Variants in MYRIP observed in about 807,000 individuals in gnomAD.
MYRIP encodes the protein rab effector MyRIP.
In MYRIP, 49 loss-of-function variants were observed where a neutral mutation model predicts 98.0. The observed-to-expected ratio is 0.50, with a 90% CI of 0.40 to 0.63. The LOEUF is 0.63. Among genes scored for constraint, MYRIP ranks in the 30% least tolerant of loss-of-function variants. The pLI, the probability that MYRIP is intolerant of heterozygous loss-of-function variation, is 0.00. For missense variants in MYRIP, 1,004 were observed against 1,058.2 expected (o/e 0.95, Z 0.71); for synonymous variants, 404 against 409.5 (o/e 0.99, Z 0.16).
At chr3:40,079,312 GC>G (rs1209056519) in intron 3 of MYRIP, among the ~76,000 whole-genome samples, 1 of 152,148 alleles carries the variant, frequency 6.6e-6, no homozygotes, top group African/African-American at 2.4e-5. Context: ...TAGTTAGGTG[GC>G]CCCTTTCACT....
intron 2 of MYRIP, among the ~76,000 whole-genome samples, chr3:39,957,117 CCATT>C (rs957325629): frequency 6.6e-6 from 1 of 151,718 alleles, no homozygotes; most frequent in Admixed American, 6.6e-5. Flanking sequence ...GAAGCTGGTA[CCATT>C]CCTTCTGAAA....
chr3:40,208,199 A>G (rs1008201103), intron 10 of MYRIP, among the ~76,000 whole-genome samples: 1 of 152,202 alleles, frequency 6.6e-6, no homozygotes, highest in Non-Finnish European at 1.5e-5. Flanking sequence ...TGTATCTTAG[A>G]TTTATAAAAA....
At position 39,856,676 on chromosome 3, in the gene MYRIP, C is replaced by T. The variant is rs200278348; in HGVS notation, c.-30-44111C>T. Among the ~76,000 whole-genome samples the T allele has an allele frequency of 1.5e-4, 23 of 152,304 alleles. No homozygotes were observed. In the East Asian group the frequency reaches 4.2e-3, roughly 28 times the overall value. ...TCAGATCATGGGCAGCAGCCCTGCC[C>T]TATTAGATACTTTGTCAGCAAGCCT... On this transcript the variant is annotated intron_variant, in intron 1 of 16. Coordinates refer to ENST00000302541, the MANE Select transcript of MYRIP (RefSeq NM_015460.4).
rs546885757 is a variant in MYRIP at position 40,139,167 on chromosome 3, G to A, written c.333-11881G>A. Among the ~76,000 whole-genome samples the A allele has an allele frequency of 2.0e-5, 3 of 152,132 alleles. No homozygotes were observed. The East Asian group carries it at 5.8e-4, about 29-fold the overall frequency. Reference sequence around the variant, plus strand: ...TGACAGAATTTCATTCTTTTTTATGGCTGACTGGTATTTCATGGTGTATAT... The same window carrying A: ...TGACAGAATTTCATTCTTTTTTATGACTGACTGGTATTTCATGGTGTATAT... On this transcript the variant is annotated intron_variant, in intron 3 of 16. Coordinates refer to ENST00000302541, the MANE Select transcript of MYRIP (RefSeq NM_015460.4).
intron 2 of MYRIP, among the ~76,000 whole-genome samples, chr3:39,952,941 A>G (rs749220418): frequency 4.3e-4 from 65 of 152,144 alleles, no homozygotes; most frequent in Non-Finnish European, 6.2e-4. Flanking sequence ...CACTACAGCT[A>G]TCTCATTGCC....
Position 40,106,113 on chromosome 3 carries a change from A to G in MYRIP, c.333-44935A>G, listed in dbSNP as rs1197841801. 5.9e-5 allele frequency among the ~76,000 whole-genome samples: 9 copies of G among 152,296 alleles called. No homozygotes were observed. The East Asian group carries it at 1.7e-3, about 29-fold the overall frequency. On this transcript the variant is annotated intron_variant, in intron 3 of 16. Transcript: ENST00000302541. ...TGGGGACACATATCCAAAGCATATCACATACCAGAGAGTTATAATATATAT... is the reference window on the plus strand; with the variant it reads ...TGGGGACACATATCCAAAGCATATCGCATACCAGAGAGTTATAATATATAT...
chr3:39,887,418 A>G (rs1191573712), intron 1 of MYRIP, among the ~76,000 whole-genome samples: 2 of 152,158 alleles, frequency 1.3e-5, no homozygotes, highest in Non-Finnish European at 2.9e-5. Context: ...TTTTGAAAGG[A>G]TCAACAAAAT....
intron 1 of MYRIP, among the ~76,000 whole-genome samples, chr3:39,812,548 C>T (rs1213591440): frequency 1.3e-5 from 2 of 152,100 alleles, no homozygotes; most frequent in Non-Finnish European, 2.9e-5. Flanking sequence ...AGAGCTTTTT[C>T]ATAGGGTGAA....
chr3:39,874,773 G>A (rs534352375), intron 1 of MYRIP, among the ~76,000 whole-genome samples: 2 of 152,162 alleles, frequency 1.3e-5, no homozygotes, highest in Non-Finnish European at 1.5e-5. Flanking sequence ...TTGCATCAAT[G>A]TTCATTAAGG....
At chr3:39,935,303 A>G (rs139483476) in intron 2 of MYRIP, among the ~76,000 whole-genome samples, 4 of 152,258 alleles carry the variant, frequency 2.6e-5, no homozygotes, top group African/African-American at 9.6e-5. Flanking sequence ...AAGGTATGGA[A>G]ACACTGGAGC....
chr3:39,884,795 A>C (rs559205647), intron 1 of MYRIP, among the ~76,000 whole-genome samples: 1 of 142,538 alleles, frequency 7.0e-6, no homozygotes, highest in Non-Finnish European at 1.5e-5. Flanking sequence ...TTGTATGGCT[A>C]TACAGTCATT....
chr3:40,063,921 A>G (rs1271570316), intron 3 of MYRIP, among the ~76,000 whole-genome samples: 1 of 152,162 alleles, frequency 6.6e-6, no homozygotes, highest in South Asian at 2.1e-4. Flanking sequence ...CTAGAGCAAC[A>G]ACATGACAAG....
At chr3:39,858,623 A>ATAGAT (rs1357050072) in intron 1 of MYRIP, among the ~76,000 whole-genome samples, 2 of 152,144 alleles carry the variant, frequency 1.3e-5, no homozygotes, top group Non-Finnish European at 2.9e-5. Context: ...ATTCTCCAGG[A>ATAGAT]TAGATTATAT....
At chr3:39,956,971 TA>T (rs1157448520) in intron 2 of MYRIP, among the ~76,000 whole-genome samples, 1 of 151,706 alleles carries the variant, frequency 6.6e-6, no homozygotes, top group Non-Finnish European at 1.5e-5. Flanking sequence ...CTCCCAAGAC[TA>T]AACCAGGAAG....
At chr3:40,028,626 A>G (rs1224438652) in intron 2 of MYRIP, among the ~76,000 whole-genome samples, 1 of 152,180 alleles carries the variant, frequency 6.6e-6, no homozygotes, top group Non-Finnish European at 1.5e-5. Context: ...ACTTTTTGGT[A>G]AGTGATGAGC....
chr3:40,096,037 C>T (rs1948824995), intron 3 of MYRIP, among the ~76,000 whole-genome samples: 2 of 151,704 alleles, frequency 1.3e-5, no homozygotes, highest in South Asian at 2.1e-4. Flanking sequence ...ACTCCACCAT[C>T]CCCCCTCCCC....
intron 2 of MYRIP, among the ~76,000 whole-genome samples, chr3:39,938,604 A>T (rs1944709286): frequency 6.6e-6 from 1 of 152,150 alleles, no homozygotes; most frequent in South Asian, 2.1e-4. Flanking sequence ...GAGGGTTCTG[A>T]TTATTCCATA....
chr3:40,124,301 C>T (rs1949473456), intron 3 of MYRIP, among the ~76,000 whole-genome samples: 1 of 152,224 alleles, frequency 6.6e-6, no homozygotes, highest in Non-Finnish European at 1.5e-5. Flanking sequence ...AAACCACAGA[C>T]TCACTTGGGC....
chr3:40,060,404 G>C lies in MYRIP; in HGVS notation c.332+16133G>C, dbSNP rs1294975229. Among the ~76,000 whole-genome samples, 3 of 151,876 alleles carry C rather than the reference G, an allele frequency of 2.0e-5. No individual in the cohort carries two copies. In the East Asian group the frequency reaches 5.8e-4, roughly 29 times the overall value. Reference sequence around the variant, plus strand: ...TTAGTTTGTGGACTATGTTTTGCTTGAACTCAGATTTTTTTTTTCTTATTT... The same window carrying C: ...TTAGTTTGTGGACTATGTTTTGCTTCAACTCAGATTTTTTTTTTCTTATTT... On this transcript the variant is annotated intron_variant, in intron 3 of 16. Coordinates refer to ENST00000302541, the MANE Select transcript of MYRIP (RefSeq NM_015460.4).
Sources: gnomAD v4.1 joint callset for allele counts (sites outside exome capture counted in the v4.1 genomes callset) on GRCh38, gnomAD v4.1.1 for gene constraint, MANE v1.5 for transcripts, NCBI Gene and HGNC (gene_info 2026-07-23, HGNC 2026-07-21) for gene names.